ABCB4: variants seen among roughly 807,000 people sequenced by gnomAD.
The protein encoded by ABCB4 is ATP binding cassette subfamily B member 4.
In ABCB4, 76 loss-of-function variants were observed where a neutral mutation model predicts 145.7. The ratio of observed to expected loss-of-function variants is 0.52; its 90% CI spans 0.43 to 0.63. ABCB4 has a LOEUF of 0.63. Among genes scored for constraint, ABCB4 ranks in the 30% least tolerant of loss-of-function variants. The pLI, the probability that ABCB4 is intolerant of heterozygous loss-of-function variation, is 0.00. For missense variants in ABCB4, 1,234 were observed against 1,553.1 expected, an observed-to-expected ratio of 0.79 and a Z score of 3.45; for synonymous variants, 517 against 566.8, an observed-to-expected ratio of 0.91 and a Z score of 1.25.
chr7:87,432,794 G>A (rs1221882289), intron 14 of ABCB4, among the ~76,000 whole-genome samples: 6 of 152,122 alleles, frequency 3.9e-5, no homozygotes, highest in Non-Finnish European at 8.8e-5. Context: ...AGCAGTGATG[G>A]TTGTACAACC....
chr7:87,469,106 GAAC>G (rs1813167857), intron 3 of ABCB4, among the ~76,000 whole-genome samples: 1 of 151,934 alleles, frequency 6.6e-6, no homozygotes, highest in Non-Finnish European at 1.5e-5. Context: ...CATATAAACA[GAAC>G]CAAAGAAAAA....
Position 87,402,242 on chromosome 7 carries a change from G to A in ABCB4, c.3694C>T (p.Arg1232Cys), listed in dbSNP as rs369147999. Residue 1232 changes from arginine to cysteine, a missense_variant, in exon 28 of 28, where the codon CGC becomes TGC. Around this residue, in one of 7 missense-constraint regions of ABCB4, gnomAD observed 58 missense variants for 75.9 expected, o/e 0.76. Coordinates refer to ENST00000649586, the MANE Select transcript of ABCB4 (RefSeq NM_000443.4). The stretch of plus-strand genomic sequence containing the variant: ...TCTGCATTCTGGATGGTGGACAGGC[G>A]GTGAGCAATCACAATGCAGGTGCGG... Reference protein sequence around the residue: ...EGRTCIVIAHRLSTIQNADLI... With the variant: ...EGRTCIVIAHCLSTIQNADLI... 10 of 1,613,888 alleles carry A rather than the reference G, an allele frequency of 6.2e-6. No individual in the cohort carries two copies. The highest frequency in any genetic ancestry group is 1.6e-4 in the Middle Eastern group (1 of 6,076).
the ABCB4 span, chr7:87,381,779 C>T: frequency 1.7e-6 from 1 of 590,614 alleles, no homozygotes; most frequent in Admixed American, 3.3e-5. Context: ...ATCATATCCT[C>T]AAGAGGTGAG....
chr7:87,440,544 A>C (rs1172644576), intron 12 of ABCB4, 142 bp from the exon 13 acceptor site: 1 of 689,750 alleles, frequency 1.4e-6, no homozygotes, highest in Non-Finnish European at 2.4e-6. Flanking sequence ...AGCAATATGC[A>C]AGAACAAAAA....
At chr7:87,474,598 T>C (rs758750182) in intron 2 of ABCB4, among the ~76,000 whole-genome samples, 1 of 152,194 alleles carries the variant, frequency 6.6e-6, no homozygotes, top group Non-Finnish European at 1.5e-5. Context: ...GGTAGCCTGG[T>C]ATGAACTCAG....
the ABCB4 span, chr7:87,375,830 A>C: frequency 1.2e-6 from 2 of 1,613,412 alleles, no homozygotes; most frequent in Non-Finnish European, 1.7e-6. Flanking sequence ...CCCTTTAGGC[A>C]CGAGAATATC....
chr7:87,431,668 G>T, intron 14 of ABCB4, 103 bp from the exon 15 acceptor site: 1 of 1,440,090 alleles, frequency 6.9e-7, no homozygotes, highest in Non-Finnish European at 9.7e-7. Context: ...TAGATGATTA[G>T]AGAGTAGTTT....
chr7:87,475,535 C>A (rs974638773), intron 1 of ABCB4, 64 bp from the exon 2 acceptor site: 2 of 1,532,286 alleles, frequency 1.3e-6, no homozygotes, highest in African/African-American at 2.7e-5. Context: ...GCACGAGTCG[C>A]GGGGCCCGGG....
chr7:87,422,033 G>A lies in ABCB4; in HGVS notation c.2316+88C>T, dbSNP rs45459695. ...AATCATGTTTGCAATTTATTTCACT[G>A]TAAGAATTTGGAAGCTCCATTAGGT... On this transcript the variant is annotated intron_variant, in intron 18 of 27. Coordinates refer to ENST00000649586, the MANE Select transcript of ABCB4 (RefSeq NM_000443.4). The A allele has an allele frequency of 2.1e-3, 2,036 of 972,198 alleles. 32 individuals carry two copies. The African/African-American group carries it at 0.03, about 14-fold the overall frequency. 60.2% of individuals were successfully genotyped at this position (972,198 alleles called of 1,614,324 possible).
rs778336813 is a variant in ABCB4 at position 87,408,106 on chromosome 7, G to A, written c.3210C>T (p.Ser1070=). The change falls in exon 25 of 28, where the codon AGC becomes AGT. Residue 1070 remains serine (S), a synonymous_variant. Transcript: ENST00000649586. ...CCACCGTGCTCTTCCCACAGCCACT[G>A]CTGCCCACCAGGGCTAGTGTCTGGC... ...KKGQTLALVG[S]SGCGKSTVVQ... is the part of the protein sequence containing the mutation. 2.5e-6 allele frequency: 4 copies of A among 1,614,228 alleles called. No homozygotes were observed. In the Admixed American group the frequency reaches 5.0e-5, roughly 20 times the overall value.
chr7:87,402,616 A>G (rs1037256363), intron 27 of ABCB4, among the ~76,000 whole-genome samples: 1 of 152,182 alleles, frequency 6.6e-6, no homozygotes, highest in Non-Finnish European at 1.5e-5. Flanking sequence ...CTAAAAATGT[A>G]ATTTGTGCAG....
chr7:87,402,026 CTT>C lies in ABCB4; in HGVS notation c.*68_*69del. 1 of 1,577,836 alleles carries C rather than the reference CTT, an allele frequency of 6.3e-7. No individual in the cohort carries two copies. Among genetic ancestry groups the C allele is most frequent in the Non-Finnish European group, 8.7e-7 (1 of 1,154,784 alleles). ...ATGTTTTATGATGACAAACCAGAAACTTATTTTACAAGTCAGATAAAATGGTA... is the reference window on the plus strand; with the variant it reads ...ATGTTTTATGATGACAAACCAGAAACATTTTACAAGTCAGATAAAATGGTA... On this transcript the variant is annotated 3_prime_UTR_variant, in exon 28 of 28. Coordinates refer to ENST00000649586, the MANE Select transcript of ABCB4 (RefSeq NM_000443.4).
chr7:87,366,355 G>T, the ABCB4 span, among the ~76,000 whole-genome samples: 2 of 150,128 alleles, frequency 1.3e-5, no homozygotes, highest in African/African-American at 2.5e-5. Context: ...TAGCCTTTTT[G>T]GGGAAAAAAA....
intron 8 of ABCB4, 119 bp from the exon 9 acceptor site, chr7:87,447,324 C>T (rs2116754581): frequency 1.1e-6 from 1 of 941,118 alleles, no homozygotes; most frequent in East Asian, 2.6e-5. Flanking sequence ...GGTAATGAAC[C>T]CATGGTGAGA....
intron 14 of ABCB4, 36 bp from the exon 15 acceptor site, chr7:87,431,601 G>A (rs112788534): frequency 1.9e-6 from 3 of 1,613,234 alleles, no homozygotes; most frequent in Non-Finnish European, 8.5e-7. Flanking sequence ...CAGGGTTACA[G>A]TATTGGCACA....
chr7:87,454,701 C>T, intron 4 of ABCB4, 109 bp from the exon 5 acceptor site: 2 of 826,892 alleles, frequency 2.4e-6, no homozygotes, highest in Non-Finnish European at 3.9e-6. Context: ...CTAGAAGATG[C>T]TATTGTTAAG....
chr7:87,468,628 ATC>A (rs948374787), intron 3 of ABCB4, among the ~76,000 whole-genome samples: 3 of 152,196 alleles, frequency 2.0e-5, no homozygotes, highest in Non-Finnish European at 4.4e-5. Flanking sequence ...CAATGCAAAA[ATC>A]CTCAATAAAA....
intron 12 of ABCB4, among the ~76,000 whole-genome samples, chr7:87,441,904 T>C (rs936195272): frequency 2.0e-5 from 3 of 152,222 alleles, no homozygotes; most frequent in Non-Finnish European, 2.9e-5. Flanking sequence ...AGGCCTTTAT[T>C]GCTTTCTTTC....
At chr7:87,375,962 C>G in the ABCB4 span, 1 of 1,501,602 alleles carries the variant, frequency 6.7e-7, no homozygotes. Context: ...AGGTACTTAA[C>G]TACCTTCTCT....
Sources: gnomAD v4.1 joint callset for allele counts (sites outside exome capture counted in the v4.1 genomes callset) on GRCh38, gnomAD v4.1.1 for gene constraint, gnomAD v4.1.1 regional missense constraint, MANE v1.5 for transcripts, NCBI Gene and HGNC (gene_info 2026-07-23, HGNC 2026-07-21) for gene names.